The following SLC25A29 variants were observed in gnomAD, a reference collection of about 807,000 sequenced individuals.
SLC25A29 encodes solute carrier family 25 member 29.
In SLC25A29, 13 loss-of-function variants were observed where a neutral mutation model predicts 10.0. The observed-to-expected ratio is 1.30, with a 90% CI of 0.85 to 2.07. The LOEUF (loss-of-function observed/expected upper bound fraction) is 2.07, where lower values mean the gene tolerates loss of function less well. Among genes scored for constraint, SLC25A29 ranks in the 30% most tolerant of loss-of-function variants. The pLI is 0.00. For synonymous variants in SLC25A29, 244 were observed against 221.1 expected (o/e 1.10, Z -0.92); for missense variants, 475 against 447.6 (o/e 1.06, Z -0.55).
intron 2 of SLC25A29, 79 bp downstream of exon 2, chr14:100,298,763 C>T (rs1892339385): frequency 1.3e-6 from 2 of 1,581,142 alleles, no homozygotes; most frequent in Non-Finnish European, 1.7e-6. Flanking sequence ...TACACGGAAA[C>T]AGGCTTCCAG....
chr14:100,306,161 G>A (rs533474704), intron 1 of SLC25A29, 38 bp downstream of exon 1: 9 of 1,410,248 alleles, frequency 6.4e-6, no homozygotes, highest in Non-Finnish European at 8.4e-6. Flanking sequence ...CTCCCCGGAC[G>A]CCTCGCCCCG....
At chr14:100,282,894 C>T in the SLC25A29 span, 2 of 152,182 alleles carry the variant, frequency 1.3e-5, no homozygotes, top group Non-Finnish European at 2.9e-5. Context: ...TAAGAGTTGC[C>T]TAAACTGCCC....
chr14:100,283,483 CTTTT>C, the SLC25A29 span, among the ~76,000 whole-genome samples: 3 of 128,586 alleles, frequency 2.3e-5, no homozygotes, highest in Non-Finnish European at 1.7e-5. Flanking sequence ...TTTGGAATTG[CTTTT>C]TTTTTTTTTT....
chr14:100,300,237 C>T (rs1049070459), intron 1 of SLC25A29, among the ~76,000 whole-genome samples: 5 of 152,180 alleles, frequency 3.3e-5, no homozygotes, highest in African/African-American at 1.2e-4. Flanking sequence ...CGCTACTGCA[C>T]TCCAGCGACC....
intron 2 of SLC25A29, chr14:100,295,987 C>G (rs1179934420): frequency 7.8e-7 from 1 of 1,289,540 alleles, no homozygotes; most frequent in Non-Finnish European, 1.0e-6. Flanking sequence ...CTTTCAGTCC[C>G]AAGGGCCTGG....
chr14:100,289,587 A>G (rs1469691743), downstream of SLC25A29, among the ~76,000 whole-genome samples: 1 of 152,178 alleles, frequency 6.6e-6, no homozygotes, highest in Admixed American at 6.5e-5. Flanking sequence ...TCACACCTGT[A>G]ATCCCAGCAC....
At chr14:100,301,774 T>C (rs1892568900) in intron 1 of SLC25A29, among the ~76,000 whole-genome samples, 1 of 151,734 alleles carries the variant, frequency 6.6e-6, no homozygotes, top group Non-Finnish European at 1.5e-5. Context: ...CCACCCAAAG[T>C]GCTGGGATTA....
chr14:100,300,102 C>G (rs1381439935), intron 1 of SLC25A29: 7 of 315,468 alleles, frequency 2.2e-5, no homozygotes, highest in Non-Finnish European at 2.8e-5. Flanking sequence ...GAAACCCCGT[C>G]TCTACTAAAA....
At chr14:100,300,823 T>C (rs1295625632) in intron 1 of SLC25A29, among the ~76,000 whole-genome samples, 3 of 152,268 alleles carry the variant, frequency 2.0e-5, no homozygotes, top group Non-Finnish European at 2.9e-5. Flanking sequence ...CACTTTATTT[T>C]ATGTAAATGG....
rs768479593 is a variant in SLC25A29 at position 100,306,201 on chromosome 14, C to A, written c.32G>T (p.Gly11Val). 7 of 1,508,942 alleles carry A rather than the reference C, an allele frequency of 4.6e-6. No homozygotes were observed. The highest frequency in any genetic ancestry group is 2.2e-5 in the Admixed American group (1 of 45,700). 93.5% of individuals were successfully genotyped at this position (1,508,942 alleles called of 1,614,324 possible). The change falls in exon 1 of 4, where the codon GGG (glycine) becomes GTG (valine). Residue 11 changes from glycine to valine, a missense_variant and splice_region_variant. Gly to Val is a moderately radical substitution (Grantham distance 109). Coordinates refer to ENST00000359232, the MANE Select transcript of SLC25A29 (RefSeq NM_001039355.3). ...GGCCCGGCCCGCCGCCTCCTTACCCCCCGCGCATCCAGCCAAGAAGTCCAG... is the reference window on the plus strand; with the variant it reads ...GGCCCGGCCCGCCGCCTCCTTACCCACCGCGCATCCAGCCAAGAAGTCCAG... MALDFLAGCA[G>V]GVAGVLVGHP...
chr14:100,306,433 A>T lies in SLC25A29; in HGVS notation c.-201T>A. On this transcript the variant is annotated 5_prime_UTR_variant, in exon 1 of 4. Coordinates refer to ENST00000359232, the MANE Select transcript of SLC25A29 (RefSeq NM_001039355.3). The stretch of plus-strand genomic sequence containing the variant: ...AGACCCGCGCTGGTCCCTCGGCGGC[A>T]GCTGACTCGCTGGATCCCCTCCGGC... 1 of 389,032 alleles carries T rather than the reference A, an allele frequency of 2.6e-6. No individual in the cohort carries two copies. Among genetic ancestry groups the T allele is most frequent in the Non-Finnish European group, 4.4e-6 (1 of 229,606 alleles). The allele number at this position is 389,032 out of a possible 1,614,324, so 24.1% of individuals were successfully genotyped here.
chr14:100,291,847 G>C lies in SLC25A29; in HGVS notation c.*436C>G, dbSNP rs1292476300. 4.1e-6 allele frequency: 1 copy of C among 242,874 alleles called. No homozygotes were observed. The highest frequency in any genetic ancestry group is 2.4e-5 in the African/African-American group (1 of 42,108). 15.0% of individuals were successfully genotyped at this position (242,874 alleles called of 1,614,324 possible). Reference sequence around the variant, plus strand: ...AGAGGGGTGGCCCACCACCCCCCCGGGTGGAGGATGTGTGGAGTTAGAGGT... The same window carrying C: ...AGAGGGGTGGCCCACCACCCCCCCGCGTGGAGGATGTGTGGAGTTAGAGGT... On this transcript the variant is annotated 3_prime_UTR_variant, in exon 4 of 4. Transcript: ENST00000359232.
chr14:100,294,775 T>G (rs1436711678), intron 2 of SLC25A29: 4 of 152,216 alleles, frequency 2.6e-5, no homozygotes, highest in Non-Finnish European at 5.9e-5. Flanking sequence ...GGCCCTCTAT[T>G]GGTGAATGCA....
At chr14:100,282,058 T>G in the SLC25A29 span, 3 of 152,180 alleles carry the variant, frequency 2.0e-5, no homozygotes, top group African/African-American at 7.2e-5. Flanking sequence ...AGCGTTAGCA[T>G]CAGGTCAGCA....
Position 100,292,040 on chromosome 14 carries a change from A to G in SLC25A29, c.*243T>C. 1 of 529,926 alleles carries G rather than the reference A, an allele frequency of 1.9e-6. No individual in the cohort carries two copies. The highest frequency in any genetic ancestry group is 3.3e-6 in the Non-Finnish European group (1 of 300,832). The allele number at this position is 529,926 out of a possible 1,614,324, so 32.8% of individuals were successfully genotyped here. On this transcript the variant is annotated 3_prime_UTR_variant, in exon 4 of 4. Transcript: ENST00000359232. ...AGGCCAGGTGCTGGCTGCTGCTGGGAATAATCTCTGAGCTTCGTGACTCTA... is the reference window on the plus strand; with the variant it reads ...AGGCCAGGTGCTGGCTGCTGCTGGGGATAATCTCTGAGCTTCGTGACTCTA...
rs1595347022 is a variant in SLC25A29, at chr14:100,291,674, T to G, written c.*609A>C. ...GCAGACTCCATGGCTTCCCGGAGGG[T>G]GCAGGGTCCCCAGTTCACCCTCCAG... On this transcript the variant is annotated 3_prime_UTR_variant, in exon 4 of 4. Transcript: ENST00000359232. 1 of 161,454 alleles carries G rather than the reference T, an allele frequency of 6.2e-6. No homozygotes were observed. Among genetic ancestry groups the G allele is most frequent in the Non-Finnish European group, 1.3e-5 (1 of 74,158 alleles). 10.0% of individuals were successfully genotyped at this position (161,454 alleles called of 1,614,324 possible).
rs79670637 is a variant in SLC25A29, at chr14:100,299,886, C to G, written c.35-1001G>C. 8 of 985,346 alleles carry G rather than the reference C, an allele frequency of 8.1e-6. No individual in the cohort carries two copies. The Admixed American group carries it at 4.9e-4, about 61-fold the overall frequency. The allele number at this position is 985,346 out of a possible 1,614,324, so 61.0% of individuals were successfully genotyped here. A position where few individuals can be genotyped will look rare whatever the true frequency, so the allele number is the denominator to read the frequency against. On this transcript the variant is annotated intron_variant, in intron 1 of 3. Coordinates refer to ENST00000359232, the MANE Select transcript of SLC25A29 (RefSeq NM_001039355.3). ...TAACAAACTAACATTACGACCCATT[C>G]TCACTCTTCCACTTGATGCCTGTGG...
chr14:100,293,264 T>C, intron 3 of SLC25A29, 30 bp downstream of exon 3: 1 of 1,608,710 alleles, frequency 6.2e-7, no homozygotes, highest in Non-Finnish European at 8.5e-7. Flanking sequence ...ATCCTGTGCC[T>C]CCCGAGCCCC....
chr14:100,290,759 G>A (rs1291680135), downstream of SLC25A29, among the ~76,000 whole-genome samples: 1 of 152,192 alleles, frequency 6.6e-6, no homozygotes, highest in Non-Finnish European at 1.5e-5. Flanking sequence ...GAAATGGTCA[G>A]CTCCACTCAG....
Sources: gnomAD v4.1 joint callset for allele counts (sites outside exome capture counted in the v4.1 genomes callset) on GRCh38, gnomAD v4.1.1 for gene constraint, MANE v1.5 for transcripts, NCBI Gene and HGNC (gene_info 2026-07-23, HGNC 2026-07-21) for gene names.